Variants in NPAS3 observed in about 807,000 individuals in gnomAD.
NPAS3 encodes the protein neuronal PAS domain-containing protein 3.
NPAS3 carries 14 observed loss-of-function variants against 73.1 expected under a neutral mutation model. The observed-to-expected ratio is 0.19, with a 90% CI of 0.13 to 0.30. The LOEUF (loss-of-function observed/expected upper bound fraction) is 0.30. NPAS3 is among the 10% of genes least tolerant of loss of function. The probability of loss-of-function intolerance (pLI) is 1.00; values close to 1 mark genes in which losing one functional copy is unlikely to be tolerated. For synonymous variants in NPAS3, 620 were observed against 541.5 expected (o/e 1.14, Z -2.01); for missense variants, 1,096 against 1,250.0 (o/e 0.88, Z 1.86).
At chr14:33,177,109 T>TATTATTATTATTATTATC (rs1354243278) in intron 2 of NPAS3, among the ~76,000 whole-genome samples, 28 of 145,172 alleles carry the variant, frequency 1.9e-4, no homozygotes, top group African/African-American at 6.4e-4. Flanking sequence ...TTATTATTAT[T>TATTATTATTATTATTATC]ATCTTTGAGA....
chr14:33,573,514 T>C lies in NPAS3; in HGVS notation c.558+13304T>C, dbSNP rs151182618. 4.6e-5 allele frequency among the ~76,000 whole-genome samples: 7 copies of C among 152,128 alleles called. No homozygotes were observed. In the East Asian group the frequency reaches 1.4e-3, roughly 30 times the overall value. ...TACCTGGAGAAGTTTGCAAAGAATTTACTGAAGAAAAAGTAACGCTTTTGG... is the reference window on the plus strand; with the variant it reads ...TACCTGGAGAAGTTTGCAAAGAATTCACTGAAGAAAAAGTAACGCTTTTGG... On this transcript the variant is annotated intron_variant, in intron 5 of 11. Transcript: ENST00000356141.
intron 4 of NPAS3, among the ~76,000 whole-genome samples, chr14:33,381,094 C>A (rs909532143): frequency 6.6e-6 from 1 of 151,572 alleles, no homozygotes; most frequent in Non-Finnish European, 1.5e-5. Context: ...CATCTTTAAT[C>A]CATAAGGATA....
intron 2 of NPAS3, among the ~76,000 whole-genome samples, chr14:33,092,321 A>G (rs1463775424): frequency 6.6e-6 from 1 of 152,172 alleles, no homozygotes; most frequent in East Asian, 1.9e-4. Context: ...CTTATACACT[A>G]ATAACAGACA....
At chr14:33,360,438 T>C (rs1475462728) in intron 3 of NPAS3, among the ~76,000 whole-genome samples, 1 of 152,230 alleles carries the variant, frequency 6.6e-6, no homozygotes, top group Non-Finnish European at 1.5e-5. Context: ...GGGTATGATC[T>C]AATTTTTTAC....
At chr14:33,305,499 C>G (rs1407757942) in intron 3 of NPAS3, among the ~76,000 whole-genome samples, 1 of 151,978 alleles carries the variant, frequency 6.6e-6, no homozygotes, top group Non-Finnish European at 1.5e-5. Context: ...GAATGGGGCT[C>G]TTAATAACTT....
At chr14:33,675,459 G>GCCTGATTCAAAGAGTATA (rs1168164034) in intron 5 of NPAS3, among the ~76,000 whole-genome samples, 21 of 152,230 alleles carry the variant, frequency 1.4e-4, no homozygotes, top group African/African-American at 4.8e-4. Flanking sequence ...TAGAGAGTTA[G>GCCTGATTCAAAGAGTATA]CCTGATTCAA....
chr14:33,180,581 T>C (rs1197177335), intron 2 of NPAS3, among the ~76,000 whole-genome samples: 1 of 151,782 alleles, frequency 6.6e-6, no homozygotes, highest in Non-Finnish European at 1.5e-5. Context: ...AGGCGGATCA[T>C]GAGGTCAGGA....
upstream of NPAS3, chr14:32,935,116 A>G: frequency 2.2e-6 from 1 of 453,430 alleles, no homozygotes; most frequent in Non-Finnish European, 3.1e-6. Context: ...GCCAGGGCTC[A>G]CTTTGCCTGC....
chr14:33,365,541 T>G, intron 3 of NPAS3, among the ~76,000 whole-genome samples: 1 of 152,208 alleles, frequency 6.6e-6, no homozygotes, highest in East Asian at 1.9e-4. Flanking sequence ...TGTGTTTTGC[T>G]TCTGAAGCAA....
At chr14:33,345,508 A>G (rs2044684095) in intron 3 of NPAS3, among the ~76,000 whole-genome samples, 1 of 152,250 alleles carries the variant, frequency 6.6e-6, no homozygotes, top group Admixed American at 6.5e-5. Flanking sequence ...AGTCAATTGC[A>G]CTGAAAGTTA....
chr14:33,207,968 A>AT (rs71118532), intron 2 of NPAS3, among the ~76,000 whole-genome samples: 37,954 of 151,634 alleles, frequency 0.25, 5,632 homozygotes, highest in Non-Finnish European at 0.35. Flanking sequence ...TTAATTGATA[A>AT]TTTTTTTTTG....
chr14:33,382,798 T>C (rs906739449), intron 4 of NPAS3, among the ~76,000 whole-genome samples: 1 of 152,138 alleles, frequency 6.6e-6, no homozygotes, highest in Admixed American at 6.6e-5. Context: ...TCACTTATAT[T>C]TTTAAAAATT....
chr14:33,637,131 G>C (rs2058543861), intron 5 of NPAS3, among the ~76,000 whole-genome samples: 1 of 152,076 alleles, frequency 6.6e-6, no homozygotes, highest in African/African-American at 2.4e-5. Flanking sequence ...GTTTTCTTTG[G>C]AGTGACTTTT....
In NPAS3 at chr14:33,215,754, T is replaced by TG. The variant is rs1246246625; in HGVS notation, c.385+332dup. Among the ~76,000 whole-genome samples, 31 of 152,102 alleles carry TG rather than the reference T, an allele frequency of 2.0e-4. 2 individuals carry two copies. Among genetic ancestry groups the TG allele is most frequent in the Admixed American group, 2.0e-3 (31 of 15,238 alleles). The stretch of plus-strand genomic sequence containing the variant: ...TTACATACAAATTCTTCTTCATGAG[T>TG]GGGGTATGGACACATTTGTTAAAGC... On this transcript the variant is annotated intron_variant, in intron 3 of 11. Coordinates refer to ENST00000356141, the Ensembl canonical transcript of NPAS3.
At chr14:33,325,279 GT>G (rs1212217399) in intron 3 of NPAS3, among the ~76,000 whole-genome samples, 1 of 152,068 alleles carries the variant, frequency 6.6e-6, no homozygotes, top group African/African-American at 2.4e-5. Flanking sequence ...GGAAAATGGG[GT>G]ATCTGTCCTC....
At chr14:33,766,817 G>C (rs1469567999) in intron 7 of NPAS3, among the ~76,000 whole-genome samples, 1 of 152,104 alleles carries the variant, frequency 6.6e-6, no homozygotes, top group Non-Finnish European at 1.5e-5. Flanking sequence ...CCCTGGAGGA[G>C]GTCTGCATTG....
intron 4 of NPAS3, among the ~76,000 whole-genome samples, chr14:33,498,935 AGT>A (rs3058422): frequency 0.11 from 10,619 of 94,172 alleles, 332 homozygotes; most frequent in Non-Finnish European, 0.14. Flanking sequence ...ACAGAGAGAG[AGT>A]GTGTGTGTGT....
At chr14:33,494,859 AAAACAGAAGGGAGTTTAAGGAAGGCGCC>A (rs1264104689) in intron 4 of NPAS3, among the ~76,000 whole-genome samples, 3 of 152,080 alleles carry the variant, frequency 2.0e-5, no homozygotes, top group Non-Finnish European at 4.4e-5. Context: ...AGAAAAGACA[AAAACAGAAGGGAGTTTAAGGAAGGCGCC>A]TAATAATTTG....
intron 1 of NPAS3, among the ~76,000 whole-genome samples, chr14:32,983,141 G>A (rs369603037): frequency 2.6e-5 from 4 of 152,060 alleles, no homozygotes; most frequent in South Asian, 4.1e-4. Flanking sequence ...TATTTTCACC[G>A]CCTTCAACTA....
Sources: gnomAD v4.1 joint callset for allele counts (sites outside exome capture counted in the v4.1 genomes callset) on GRCh38, gnomAD v4.1.1 for gene constraint, MANE v1.5 for transcripts, NCBI Gene and HGNC (gene_info 2026-07-23, HGNC 2026-07-21) for gene names.